TRMT11: variants seen among roughly 807,000 people sequenced by gnomAD.
TRMT11 encodes tRNA (guanine(10)-N(2))-methyltransferase TRMT11.
In TRMT11, 53 loss-of-function variants were observed where a neutral mutation model predicts 62.8. The ratio of observed to expected loss-of-function variants is 0.84; its 90% CI spans 0.68 to 1.06. The LOEUF is 1.06. TRMT11 is among the 50% of genes least tolerant of loss of function. The pLI is 0.00. For missense variants in TRMT11, 556 were observed against 553.4 expected, an observed-to-expected ratio of 1.00 and a Z score of -0.05; for synonymous variants, 188 against 190.3, an observed-to-expected ratio of 0.99 and a Z score of 0.10.
the TRMT11 span, among the ~76,000 whole-genome samples, chr6:126,248,867 A>G: frequency 6.6e-6 from 1 of 152,160 alleles, no homozygotes; most frequent in South Asian, 2.1e-4. Context: ...ACTGCTTATT[A>G]TTAGAGATTA....
chr6:126,197,822 A>G (rs1482138233), intron 1 of TRMT11, among the ~76,000 whole-genome samples: 3 of 152,172 alleles, frequency 2.0e-5, no homozygotes, highest in African/African-American at 7.2e-5. Flanking sequence ...AAGCTATCAC[A>G]ATCCTGATCC....
At chr6:126,111,219 G>T (rs1185331811) in intron 17 of TRMT11, among the ~76,000 whole-genome samples, 1 of 152,018 alleles carries the variant, frequency 6.6e-6, no homozygotes, top group Non-Finnish European at 1.5e-5. Flanking sequence ...TTCTCTGTAG[G>T]CAAATTTTCA....
rs73592112 is a variant in TRMT11, at chr6:125,998,665, A to G, written c.503A>G (p.Asn168Ser). ...AACTGCATCCCTGAGAATCCACATA[A>G]TATTTATTTTGGTAGATGGGTGAGC... ...DPNCIPENPH[N>S]IYFGRWIADG... The change falls in exon 6 of 13, where the codon AAT (asparagine) becomes AGT (serine). Residue 168 changes from asparagine to serine, a missense_variant. Coordinates refer to ENST00000334379, the MANE Select transcript of TRMT11 (RefSeq NM_001031712.3). The G allele has an allele frequency of 5.0e-6, 8 of 1,612,166 alleles. No individual in the cohort carries two copies. Among genetic ancestry groups the G allele is most frequent in the Middle Eastern group, 1.7e-4 (1 of 6,042 alleles).
chr6:126,021,346 T>C (rs1795780970), intron 12 of TRMT11, 66 bp downstream of exon 12: 1 of 1,559,674 alleles, frequency 6.4e-7, no homozygotes, highest in Non-Finnish European at 8.8e-7. Flanking sequence ...TCTAAATAGT[T>C]TTCCTGTGAT....
At chr6:126,113,575 A>G (rs1418417350) in intron 18 of TRMT11, among the ~76,000 whole-genome samples, 1 of 152,112 alleles carries the variant, frequency 6.6e-6, no homozygotes, top group Admixed American at 6.6e-5. Context: ...AATCAATTCT[A>G]CATTTACTGA....
intron 17 of TRMT11, among the ~76,000 whole-genome samples, chr6:126,063,150 C>CT (rs1776586476): frequency 1.3e-5 from 2 of 151,894 alleles, no homozygotes; most frequent in Admixed American, 1.3e-4. Flanking sequence ...AGTAGTTTTG[C>CT]TTTATTTTAT....
intron 17 of TRMT11, among the ~76,000 whole-genome samples, chr6:126,063,078 C>G (rs937519980): frequency 2.6e-5 from 4 of 151,890 alleles, no homozygotes; most frequent in African/African-American, 9.7e-5. Context: ...ATTTTATAAT[C>G]CGTTATTTAT....
intron 9 of TRMT11, among the ~76,000 whole-genome samples, chr6:126,012,442 C>T (rs1246863624): frequency 6.6e-6 from 1 of 152,128 alleles, no homozygotes; most frequent in Admixed American, 6.6e-5. Context: ...TCAACTGACT[C>T]AGTAATAGCT....
the TRMT11 span, among the ~76,000 whole-genome samples, chr6:126,252,338 A>G: frequency 6.6e-6 from 1 of 152,222 alleles, no homozygotes; most frequent in East Asian, 1.9e-4. Flanking sequence ...GAGTGCCTAC[A>G]TACGGCTTCT....
chr6:126,096,331 G>T (rs921593355), intron 17 of TRMT11, among the ~76,000 whole-genome samples: 1 of 152,092 alleles, frequency 6.6e-6, no homozygotes, highest in Non-Finnish European at 1.5e-5. Context: ...TCAGCTATGG[G>T]TATCTCCAGG....
chr6:126,160,936 A>G (rs538633554), intron 21 of TRMT11, among the ~76,000 whole-genome samples: 10 of 152,324 alleles, frequency 6.6e-5, no homozygotes, highest in Admixed American at 3.9e-4. Flanking sequence ...ATAAAAGTAC[A>G]GAAAGTTTAG....
intron 7 of TRMT11, among the ~76,000 whole-genome samples, chr6:126,006,484 AGAAATT>A (rs1016759351): frequency 6.6e-6 from 1 of 152,012 alleles, no homozygotes; most frequent in African/African-American, 2.4e-5. Flanking sequence ...TTAAGTAATG[AGAAATT>A]GAAACACCGA....
intron 1 of TRMT11, among the ~76,000 whole-genome samples, chr6:125,988,532 G>T (rs1478346832): frequency 6.6e-6 from 1 of 152,156 alleles, no homozygotes; most frequent in African/African-American, 2.4e-5. Context: ...GACAAGGAAA[G>T]TTAGGGTGGG....
At chr6:126,111,169 T>G (rs1309422572) in intron 17 of TRMT11, among the ~76,000 whole-genome samples, 1 of 152,076 alleles carries the variant, frequency 6.6e-6, no homozygotes, top group Non-Finnish European at 1.5e-5. Flanking sequence ...GGAATCTTGA[T>G]GAGGAGACTC....
intron 16 of TRMT11, among the ~76,000 whole-genome samples, chr6:126,049,714 T>C (rs1312679953): frequency 1.3e-5 from 2 of 151,984 alleles, no homozygotes; most frequent in Non-Finnish European, 2.9e-5. Flanking sequence ...CTCAATGGAG[T>C]TTGGAAGGAT....
At chr6:126,180,689 A>G (rs1256999501) in intron 1 of TRMT11, among the ~76,000 whole-genome samples, 1 of 152,162 alleles carries the variant, frequency 6.6e-6, no homozygotes, top group Non-Finnish European at 1.5e-5. Flanking sequence ...TTCTTCAACA[A>G]CTGCTTACGC....
At chr6:126,089,584 T>C (rs148418852) in intron 17 of TRMT11, among the ~76,000 whole-genome samples, 221 of 152,294 alleles carry the variant, frequency 1.5e-3, no homozygotes, top group African/African-American at 5.1e-3. Context: ...AGTTGCAAAG[T>C]TCTTGTCCTC....
chr6:126,005,535 A>G (rs1793223909), intron 7 of TRMT11, among the ~76,000 whole-genome samples: 1 of 151,982 alleles, frequency 6.6e-6, no homozygotes, highest in East Asian at 1.9e-4. Flanking sequence ...AATGGTTATC[A>G]TTATTACTTT....
chr6:126,021,741 TTACA>T lies in TRMT11; in HGVS notation c.1260+466_1260+469del, dbSNP rs1795840941. 2.6e-5 allele frequency among the ~76,000 whole-genome samples: 4 copies of T among 152,210 alleles called. No individual in the cohort carries two copies. In the South Asian group the frequency reaches 8.3e-4, roughly 32 times the overall value. On this transcript the variant is annotated intron_variant, in intron 12 of 12. Transcript: ENST00000334379. Reference sequence around the variant, plus strand: ...AACACATTCTCTCTTTGTCTCTCTCTTACATACAAAATTCTTACTCTCTTACATT... The same window carrying T: ...AACACATTCTCTCTTTGTCTCTCTCTTACAAAATTCTTACTCTCTTACATT...
Sources: allele counts gnomAD v4.1 joint callset (sites outside exome capture counted in the v4.1 genomes callset), GRCh38; gene constraint gnomAD v4.1.1; transcripts MANE v1.5; gene names NCBI Gene and HGNC (gene_info 2026-07-23, HGNC 2026-07-21).